ZNF469: variants seen among roughly 807,000 people sequenced by gnomAD.
ZNF469 encodes the protein zinc finger protein 469.
In ZNF469, 1 loss-of-function variant was observed where a neutral mutation model predicts 1.0. The ratio of observed to expected loss-of-function variants is 1.00; its 90% confidence interval spans 0.35 to 4.73. The LOEUF is 4.73. ZNF469 is among the 30% of genes most tolerant of loss of function. ZNF469 has a pLI of 0.16. For missense variants in ZNF469, 6,100 were observed against 5,356.3 expected, an observed-to-expected ratio of 1.14 and a Z score of -4.33; for synonymous variants, 2,703 against 2,363.4, an observed-to-expected ratio of 1.14 and a Z score of -4.17.
chr16:88,326,121 T>C, the ZNF469 span, among the ~76,000 whole-genome samples: 1 of 152,244 alleles, frequency 6.6e-6, no homozygotes, highest in Admixed American at 6.5e-5. Context: ...TGATATGGTT[T>C]GGCTGTGTCC....
In ZNF469 at chr16:88,438,081, G is replaced by A. The variant is rs774846173; in HGVS notation, c.10611G>A (p.Pro3537=). 58 of 1,550,270 alleles carry A rather than the reference G, an allele frequency of 3.7e-5. No homozygotes were observed. The highest frequency in any genetic ancestry group is 5.0e-5 in the Non-Finnish European group (57 of 1,146,968). The change falls in exon 3 of 3, where the codon CCG becomes CCA. Residue 3537 remains proline, a synonymous_variant. Transcript: ENST00000565624. ...LERPVDPVTH[P]IRGCELPSNH... ...GGCCTGTAGACCCCGTGACCCACCC[G>A]ATCAGAGGTTGTGAGCTGCCATCCA...
At chr16:88,209,795 C>T in the ZNF469 span, among the ~76,000 whole-genome samples, 179 of 152,334 alleles carry the variant, frequency 1.2e-3, no homozygotes, top group African/African-American at 4.1e-3. Flanking sequence ...ACAGTTCATT[C>T]AACCTCTCTC....
chr16:88,151,045 GAC>G, the ZNF469 span, among the ~76,000 whole-genome samples: 1 of 152,268 alleles, frequency 6.6e-6, no homozygotes, highest in Non-Finnish European at 1.5e-5. This position sits in a 1 kb window ranked among gnomAD's most constrained non-coding sequence, Gnocchi z 5.4. Context: ...GCACAGAAGT[GAC>G]ACGCGACTCC....
chr16:88,394,003 G>A (rs7190720), intron 1 of ZNF469, among the ~76,000 whole-genome samples: 53,922 of 147,644 alleles, frequency 0.37, 11,339 homozygotes, highest in African/African-American at 0.58. Context: ...CGAGAGGAGC[G>A]GGGTTTGACA....
the ZNF469 span, among the ~76,000 whole-genome samples, chr16:88,185,313 T>A: frequency 6.6e-6 from 1 of 151,920 alleles, no homozygotes; most frequent in African/African-American, 2.4e-5. Context: ...ACTCTCACAG[T>A]CACACATTCA....
intron 2 of ZNF469, among the ~76,000 whole-genome samples, 199 bp downstream of exon 2, chr16:88,425,070 G>C (rs576626848): frequency 1.3e-5 from 2 of 152,130 alleles, no homozygotes; most frequent in Non-Finnish European, 2.9e-5. Flanking sequence ...GCCAGCAGGC[G>C]GGCGTGTCAC....
the ZNF469 span, among the ~76,000 whole-genome samples, chr16:88,187,737 A>G: frequency 1.8e-5 from 2 of 114,106 alleles, no homozygotes; most frequent in Non-Finnish European, 3.6e-5. Context: ...TTTTTTTTAC[A>G]TCTGTGAAAT....
At chr16:88,209,808 G>T in the ZNF469 span, among the ~76,000 whole-genome samples, 23 of 152,142 alleles carry the variant, frequency 1.5e-4, no homozygotes, top group Admixed American at 3.9e-4. Flanking sequence ...CCTCTCTCCT[G>T]TCTGTGGGCA....
the ZNF469 span, among the ~76,000 whole-genome samples, chr16:88,287,094 C>T: frequency 6.6e-6 from 1 of 152,220 alleles, no homozygotes; most frequent in Non-Finnish European, 1.5e-5. Flanking sequence ...CTTTTCTGAA[C>T]ATGGTAGGGT....
the ZNF469 span, among the ~76,000 whole-genome samples, chr16:88,318,433 C>T: frequency 7.1e-6 from 1 of 140,084 alleles, no homozygotes; most frequent in East Asian, 1.9e-4. Flanking sequence ...GCCCCAGCTG[C>T]ATCTCAGGAT....
At chr16:88,380,472 C>CTCACACAGATGCAT (rs1555514950), upstream of ZNF469, among the ~76,000 whole-genome samples, 2,582 of 147,692 alleles carry the variant, frequency 0.017, 133 homozygotes, top group Non-Finnish European at 0.029. Context: ...CACACATGCA[C>CTCACACAGATGCAT]TCACACATAC....
chr16:88,234,606 G>A, the ZNF469 span, among the ~76,000 whole-genome samples: 10 of 152,208 alleles, frequency 6.6e-5, no homozygotes, highest in African/African-American at 2.4e-4. Flanking sequence ...TGAGGGGACC[G>A]GTTTGGACGC....
rs1391123202 is a variant in ZNF469, at chr16:88,437,630, C to A, written c.10160C>A (p.Ala3387Glu). ...HGELLAHLGG[A>E]HGLLERPELQ... ...GAGCTGCTGGCACACCTGGGCGGGG[C>A]GCACGGGCTGCTGGAGCGGCCGGAG... Residue 3387 changes from alanine to glutamate, a missense_variant, in exon 3 of 3, where the codon GCG becomes GAG. Ala to Glu is a moderately radical substitution (Grantham distance 107). Coordinates refer to ENST00000565624, the MANE Select transcript of ZNF469 (RefSeq NM_001367624.2). 2.6e-6 allele frequency: 4 copies of A among 1,541,528 alleles called. No individual in the cohort carries two copies. The highest frequency in any genetic ancestry group is 3.5e-6 in the Non-Finnish European group (4 of 1,140,606).
chr16:88,123,843 GC>G, the ZNF469 span, among the ~76,000 whole-genome samples: 1 of 152,058 alleles, frequency 6.6e-6, no homozygotes, highest in Non-Finnish European at 1.5e-5. Context: ...CACTCTTGTT[GC>G]CCAGGCTGGA....
chr16:88,188,772 C>T, the ZNF469 span, among the ~76,000 whole-genome samples: 4 of 152,208 alleles, frequency 2.6e-5, no homozygotes, highest in African/African-American at 9.7e-5. Flanking sequence ...CCTCCCCCTG[C>T]CCAGATCCAC....
chr16:88,360,461 C>G, the ZNF469 span, among the ~76,000 whole-genome samples: 1 of 151,932 alleles, frequency 6.6e-6, no homozygotes, highest in Admixed American at 6.5e-5. Flanking sequence ...CATGCTCCCC[C>G]AAAGGCAGTC....
chr16:88,254,996 C>G, the ZNF469 span, among the ~76,000 whole-genome samples: 2 of 152,196 alleles, frequency 1.3e-5, no homozygotes, highest in Non-Finnish European at 2.9e-5. Flanking sequence ...TCTCAATAAT[C>G]TTTTGACATT....
At chr16:88,147,373 G>T in the ZNF469 span, among the ~76,000 whole-genome samples, 39 of 152,156 alleles carry the variant, frequency 2.6e-4, no homozygotes, top group African/African-American at 9.2e-4. Context: ...AGTCCATGTT[G>T]TTTTAGCCAC....
At chr16:88,247,556 G>GTGAATGAA in the ZNF469 span, among the ~76,000 whole-genome samples, 79 of 129,184 alleles carry the variant, frequency 6.1e-4, no homozygotes, top group Middle Eastern at 0.015. Flanking sequence ...GAATGAATGA[G>GTGAATGAA]TGACTGAGTG....
Sources: gnomAD v4.1 joint callset for allele counts (sites outside exome capture counted in the v4.1 genomes callset) on GRCh38, gnomAD v4.1.1 for gene constraint, Gnocchi (gnomAD v3.1) non-coding constraint, MANE v1.5 for transcripts, NCBI Gene and HGNC (gene_info 2026-07-23, HGNC 2026-07-21) for gene names.